CRHR2: variants seen among roughly 807,000 people sequenced by gnomAD.
The protein encoded by CRHR2 is corticotropin-releasing hormone receptor 2.
A neutral mutation model predicts 57.9 loss-of-function variants in CRHR2; 53 were observed. The observed-to-expected ratio is 0.92, with a 90% CI of 0.73 to 1.15. The LOEUF is 1.15. Ranked by LOEUF, CRHR2 falls within the 50% of genes most tolerant of loss-of-function variation. The pLI, the probability that CRHR2 is intolerant of heterozygous loss-of-function variation, is 0.00. For missense variants in CRHR2, 532 were observed against 542.6 expected, an observed-to-expected ratio of 0.98 and a Z score of 0.19; for synonymous variants, 213 against 220.9, an observed-to-expected ratio of 0.96 and a Z score of 0.32.
chr7:30,656,331 T>C lies in CRHR2; in HGVS notation c.832-319A>G, dbSNP rs185012053. Among the ~76,000 whole-genome samples, 15 of 151,872 alleles carry C rather than the reference T, an allele frequency of 9.9e-5. No individual in the cohort carries two copies. The East Asian group carries it at 2.0e-3, about 20-fold the overall frequency. ...AGAAAGCCCCCAACCCTCTCCCCAG[T>C]ATAGGGACCCTATGGGAGCCCCCTT... On this transcript the variant is annotated intron_variant, in intron 8 of 11. Coordinates refer to ENST00000471646, the MANE Select transcript of CRHR2 (RefSeq NM_001883.5). The surrounding 1 kb of genome is among the most constrained non-coding windows in gnomAD (Gnocchi z 4.4).
chr7:30,700,007 G>A (rs1273763195), exon 1 of CRHR2: 1 of 1,444,198 alleles, frequency 6.9e-7, no homozygotes, highest in East Asian at 2.9e-5. Flanking sequence ...CGTAGAGGAG[G>A]CCTGGGGGCC....
At chr7:30,697,047 C>G (rs151090152) in intron 1 of CRHR2, among the ~76,000 whole-genome samples, 1 of 152,334 alleles carries the variant, frequency 6.6e-6, no homozygotes, top group African/African-American at 2.4e-5. Context: ...TGGGAAAAGT[C>G]ATTCAATGCA....
In CRHR2 at chr7:30,662,846, A is replaced by C; in HGVS notation, c.545T>G (p.Val182Gly). The part of the protein sequence containing the change: ...VDHEVHESNE[V>G]WCRCITTIFN... ...GATGGTGGTGATGCAGCGGCACCAG[A>C]CCTGTGTGCAGGGCAGAGAGGCTGT... Residue 182 changes from valine to glycine, a missense_variant and splice_region_variant, in exon 6 of 12, where the codon GTC (valine) becomes GGC (glycine). Coordinates refer to ENST00000471646, the MANE Select transcript of CRHR2 (RefSeq NM_001883.5). 1 of 1,614,010 alleles carries C rather than the reference A, an allele frequency of 6.2e-7. No homozygotes were observed. The highest frequency in any genetic ancestry group is 2.2e-5 in the East Asian group (1 of 44,884).
At position 30,660,557 on chromosome 7, in the gene CRHR2, A is replaced by G; in HGVS notation, c.831+16T>C. On this transcript the variant is annotated intron_variant, in intron 8 of 11. Transcript: ENST00000471646. ...CTTGGCACCCAGCCCCATCCCAGCC[A>G]CCGCTGAGGGCTTACCAGGAGCACG... 1 of 1,556,070 alleles carries G rather than the reference A, an allele frequency of 6.4e-7. No homozygotes were observed.
rs566921947 is a variant in CRHR2, at chr7:30,654,985, G to C, written c.1095+54C>G. On this transcript the variant is annotated intron_variant, in intron 11 of 11. Transcript: ENST00000471646. ...GCAGCACCAATGGAGCTGCCCTGGAGTGGGGTCTGAGGACCTGGATATCCC... is the reference window on the plus strand; with the variant it reads ...GCAGCACCAATGGAGCTGCCCTGGACTGGGGTCTGAGGACCTGGATATCCC... 51 of 1,598,568 alleles carry C rather than the reference G, an allele frequency of 3.2e-5. No individual in the cohort carries two copies. The South Asian group carries it at 5.5e-4, about 17-fold the overall frequency.
chr7:30,668,388 T>G (rs1562799944), intron 2 of CRHR2, among the ~76,000 whole-genome samples: 1 of 152,062 alleles, frequency 6.6e-6, no homozygotes, highest in Non-Finnish European at 1.5e-5. Flanking sequence ...GGGTTACAAA[T>G]GCTGAACGTT....
intron 2 of CRHR2, among the ~76,000 whole-genome samples, chr7:30,680,682 C>T (rs1784669447): frequency 6.6e-6 from 1 of 152,158 alleles, no homozygotes; most frequent in South Asian, 2.1e-4. Context: ...GGATGGGAAG[C>T]ATGTGCTCCC....
intron 5 of CRHR2, among the ~76,000 whole-genome samples, chr7:30,663,052 C>T (rs1376157611): frequency 6.6e-6 from 1 of 152,242 alleles, no homozygotes. Context: ...TGCCATTCTC[C>T]ACTGGGGCCA....
chr7:30,670,972 T>C (rs952553703), intron 2 of CRHR2, among the ~76,000 whole-genome samples: 1 of 152,152 alleles, frequency 6.6e-6, no homozygotes, highest in Non-Finnish European at 1.5e-5. Flanking sequence ...AAAACCCCCA[T>C]TACAATGGGC....
intron 1 of CRHR2, among the ~76,000 whole-genome samples, chr7:30,698,969 T>C (rs1785113224): frequency 6.6e-6 from 1 of 152,204 alleles, no homozygotes; most frequent in Admixed American, 6.5e-5. Context: ...CAATTATCTG[T>C]TGAATTACTG....
rs1784031328 is a variant in CRHR2, at chr7:30,662,234, T to C, written c.698-18A>G. On this transcript the variant is annotated intron_variant, in intron 6 of 11. Coordinates refer to ENST00000471646, the MANE Select transcript of CRHR2 (RefSeq NM_001883.5). The stretch of plus-strand genomic sequence containing the variant: ...GGGGATGCCTGAAAGAAGGAAAGAC[T>C]TGGGCTGCAGGGGACAGATGGACAG... The C allele has an allele frequency of 6.2e-7, 1 of 1,614,018 alleles. No individual in the cohort carries two copies. The highest frequency in any genetic ancestry group is 1.3e-5 in the African/African-American group (1 of 75,042).
chr7:30,686,730 A>G, upstream of CRHR2: 1 of 383,122 alleles, frequency 2.6e-6, no homozygotes, highest in Non-Finnish European at 4.9e-6. Context: ...AAATATATGT[A>G]GCTGCCTCTG....
At chr7:30,683,012 G>A (rs1784776920), upstream of CRHR2, among the ~76,000 whole-genome samples, 2 of 152,208 alleles carry the variant, frequency 1.3e-5, no homozygotes, top group African/African-American at 2.4e-5. Flanking sequence ...GTGGGTTGAA[G>A]TCCTTGGATC....
chr7:30,690,363 A>T (rs192792702), intron 1 of CRHR2, among the ~76,000 whole-genome samples: 2 of 152,258 alleles, frequency 1.3e-5, no homozygotes, highest in East Asian at 3.9e-4. Flanking sequence ...TTCACTCTAA[A>T]TTCTAACGCT....
intron 2 of CRHR2, among the ~76,000 whole-genome samples, chr7:30,680,735 G>A (rs749347167): frequency 8.5e-5 from 13 of 152,192 alleles, no homozygotes; most frequent in Admixed American, 7.2e-4. Flanking sequence ...AGGAGAGTGC[G>A]GCTTGGCATC....
upstream of CRHR2, among the ~76,000 whole-genome samples, chr7:30,685,446 T>G (rs1036740479): frequency 6.6e-6 from 1 of 152,174 alleles, no homozygotes; most frequent in Non-Finnish European, 1.5e-5. Flanking sequence ...GGGAGTCTAT[T>G]CAGGCACAGC....
upstream of CRHR2, among the ~76,000 whole-genome samples, chr7:30,684,606 C>T (rs1183589712): frequency 6.6e-6 from 1 of 152,194 alleles, no homozygotes; most frequent in Non-Finnish European, 1.5e-5. Context: ...ATTTCAGTGG[C>T]AGAGTCAAAG....
At chr7:30,698,453 C>T (rs892610722) in intron 1 of CRHR2, among the ~76,000 whole-genome samples, 5 of 152,190 alleles carry the variant, frequency 3.3e-5, no homozygotes, top group Admixed American at 6.5e-5. Flanking sequence ...ACACTTGGAT[C>T]TCCTGGAAGG....
At chr7:30,670,069 T>C (rs753057062) in intron 2 of CRHR2, among the ~76,000 whole-genome samples, 7 of 152,146 alleles carry the variant, frequency 4.6e-5, no homozygotes, top group Non-Finnish European at 8.8e-5. Context: ...TAACGTAGTT[T>C]TTCCACTTTA....
Sources: gnomAD v4.1 joint callset for allele counts (sites outside exome capture counted in the v4.1 genomes callset) on GRCh38, gnomAD v4.1.1 for gene constraint, Gnocchi (gnomAD v3.1) non-coding constraint, MANE v1.5 for transcripts, NCBI Gene and HGNC (gene_info 2026-07-23, HGNC 2026-07-21) for gene names.